The following MALRD1 variants were observed in gnomAD, a reference collection of about 807,000 sequenced individuals.
The protein encoded by MALRD1 is MAM and LDL receptor class A domain containing 1.
In MALRD1, 247 loss-of-function variants were observed where a neutral mutation model predicts 242.1. That is an observed-to-expected ratio of 1.02 (90% confidence interval 0.92 to 1.13). The LOEUF is 1.13. Among genes scored for constraint, MALRD1 ranks in the 50% most tolerant of loss-of-function variants. The probability of loss-of-function intolerance (pLI) is 0.00; values close to 1 mark genes in which losing one functional copy is unlikely to be tolerated. For missense variants in MALRD1, 2,989 were observed against 2,533.1 expected (o/e 1.18, Z -3.86); for synonymous variants, 995 against 866.6 (o/e 1.15, Z -2.60).
At chr10:19,062,527 C>T (rs1216858106) in intron 1 of MALRD1, among the ~76,000 whole-genome samples, 1 of 152,196 alleles carries the variant, frequency 6.6e-6, no homozygotes, top group Non-Finnish European at 1.5e-5. Flanking sequence ...AAAAACCACT[C>T]AAGTGTCCAT....
At chr10:19,357,968 T>C (rs956734906) in intron 26 of MALRD1, among the ~76,000 whole-genome samples, 2 of 152,134 alleles carry the variant, frequency 1.3e-5, no homozygotes, top group African/African-American at 4.8e-5. Flanking sequence ...AATATTAAAT[T>C]ATTATTAAGT....
chr10:19,260,881 A>G (rs938289801), intron 19 of MALRD1, among the ~76,000 whole-genome samples: 10 of 152,194 alleles, frequency 6.6e-5, no homozygotes, highest in African/African-American at 2.4e-4. Flanking sequence ...CATCAAACAC[A>G]CTAAACCTGA....
chr10:19,669,420 G>C (rs993998339), intron 36 of MALRD1, among the ~76,000 whole-genome samples: 1 of 152,182 alleles, frequency 6.6e-6, no homozygotes, highest in African/African-American at 2.4e-5. Context: ...ACCCAGGGCT[G>C]ATGTTCGAGA....
At chr10:19,317,610 A>G (rs1257514360) in intron 21 of MALRD1, among the ~76,000 whole-genome samples, 2 of 152,028 alleles carry the variant, frequency 1.3e-5, no homozygotes, top group Admixed American at 6.6e-5. Flanking sequence ...TATGTCTCTC[A>G]TACTGTGTGT....
intron 21 of MALRD1, among the ~76,000 whole-genome samples, chr10:19,318,363 C>T (rs572277011): frequency 6.7e-6 from 1 of 148,228 alleles, no homozygotes; most frequent in African/African-American, 2.5e-5. Flanking sequence ...GACATATCTC[C>T]TTTTTTTTTT....
In MALRD1 at chr10:19,243,071, T is replaced by TG. The variant is rs1220040488; in HGVS notation, c.2992-14613_2992-14612insG. 3.2e-3 allele frequency among the ~76,000 whole-genome samples: 463 copies of TG among 142,842 alleles called. 3 individuals carry two copies. Among genetic ancestry groups the TG allele is most frequent in the African/African-American group, 0.012 (448 of 38,506 alleles). The allele number at this position is 142,842 out of a possible 152,430, so 93.7% of individuals were successfully genotyped here. A position where few individuals can be genotyped will look rare whatever the true frequency, so the allele number is the denominator to read the frequency against. On this transcript the variant is annotated intron_variant, in intron 18 of 39. Transcript: ENST00000454679. Reference sequence around the variant, plus strand: ...AGCTTTGTTTCTTTTCCCTTTTTTTTTTTTGTGTGTGTATCCGCTGTAATT... The same window carrying TG: ...AGCTTTGTTTCTTTTCCCTTTTTTTTGTTTTGTGTGTGTATCCGCTGTAATT...
chr10:19,379,330 C>A (rs1435330508), intron 26 of MALRD1, among the ~76,000 whole-genome samples: 1 of 151,968 alleles, frequency 6.6e-6, no homozygotes, highest in African/African-American at 2.4e-5. Flanking sequence ...TTTCCTCCTT[C>A]TACTTATTTT....
chr10:19,187,868 G>T, intron 14 of MALRD1, among the ~76,000 whole-genome samples: 1 of 152,094 alleles, frequency 6.6e-6, no homozygotes, highest in East Asian at 1.9e-4. Context: ...TCACTACCTG[G>T]GTTATGGGAT....
At chr10:19,266,599 A>C (rs1305033717) in intron 19 of MALRD1, among the ~76,000 whole-genome samples, 1 of 151,908 alleles carries the variant, frequency 6.6e-6, no homozygotes, top group Non-Finnish European at 1.5e-5. Context: ...AATACACACT[A>C]GTACTGTAAT....
intron 36 of MALRD1, among the ~76,000 whole-genome samples, chr10:19,617,324 A>G (rs1839203657): frequency 6.6e-6 from 1 of 152,026 alleles, no homozygotes; most frequent in South Asian, 2.1e-4. Context: ...AAGTCAATGG[A>G]GAAAAATGTA....
chr10:19,266,063 T>G (rs1839961805), intron 19 of MALRD1, among the ~76,000 whole-genome samples: 2 of 151,960 alleles, frequency 1.3e-5, no homozygotes, highest in African/African-American at 4.8e-5. Flanking sequence ...TTGCATGGAA[T>G]GTGTTTTTTG....
intron 24 of MALRD1, among the ~76,000 whole-genome samples, chr10:19,345,068 A>G (rs367592657): frequency 7.0e-4 from 107 of 152,256 alleles, no homozygotes; most frequent in Middle Eastern, 3.4e-3. Flanking sequence ...ATAATAGGAT[A>G]TGAAATTATA....
chr10:19,095,717 C>G (rs1431692907), intron 4 of MALRD1, among the ~76,000 whole-genome samples: 1 of 152,098 alleles, frequency 6.6e-6, no homozygotes, highest in Non-Finnish European at 1.5e-5. Flanking sequence ...CCCCCGAGCA[C>G]CAATAATGTA....
intron 32 of MALRD1, among the ~76,000 whole-genome samples, chr10:19,551,774 T>C (rs1589230824): frequency 6.6e-6 from 1 of 152,300 alleles, no homozygotes; most frequent in East Asian, 1.9e-4. Context: ...CTTCAATATC[T>C]AGTTTATTGA....
At chr10:19,365,486 T>A (rs557525074) in intron 26 of MALRD1, among the ~76,000 whole-genome samples, 1 of 152,196 alleles carries the variant, frequency 6.6e-6, no homozygotes, top group African/African-American at 2.4e-5. Flanking sequence ...TGAATCTAAT[T>A]GTCACACCTT....
intron 38 of MALRD1, among the ~76,000 whole-genome samples, chr10:19,705,817 A>AAAAAAAAAAAAAAAAAAT: frequency 6.6e-6 from 1 of 151,398 alleles, no homozygotes. Flanking sequence ...AAAAAAAAAA[A>AAAAAAAAAAAAAAAAAAT]AGCCCACAAG....
At chr10:19,727,046 AT>A (rs1418323108) in intron 38 of MALRD1, among the ~76,000 whole-genome samples, 5 of 152,228 alleles carry the variant, frequency 3.3e-5, no homozygotes, top group Non-Finnish European at 5.9e-5. Flanking sequence ...AGTGGAATTA[AT>A]GGCATTGAAT....
At chr10:19,665,085 C>T (rs976656436) in intron 36 of MALRD1, among the ~76,000 whole-genome samples, 2 of 152,022 alleles carry the variant, frequency 1.3e-5, no homozygotes, top group African/African-American at 4.8e-5. Flanking sequence ...ATTAGACTGA[C>T]AAAATATAGA....
intron 28 of MALRD1, among the ~76,000 whole-genome samples, chr10:19,437,608 A>G (rs1834402653): frequency 1.3e-5 from 2 of 151,814 alleles, no homozygotes; most frequent in Admixed American, 6.6e-5. Context: ...TTGTCTTTTC[A>G]CTCACAATAT....
Sources: gnomAD v4.1 joint callset for allele counts (sites outside exome capture counted in the v4.1 genomes callset) on GRCh38, gnomAD v4.1.1 for gene constraint, MANE v1.5 for transcripts, NCBI Gene and HGNC (gene_info 2026-07-23, HGNC 2026-07-21) for gene names.